DLGAP2: variants seen among roughly 807,000 people sequenced by gnomAD.
DLGAP2 encodes the protein disks large-associated protein 2.
In DLGAP2, 26 loss-of-function variants were observed where a neutral mutation model predicts 100.3. The observed-to-expected ratio is 0.26, with a 90% CI of 0.19 to 0.36. The LOEUF is 0.36. DLGAP2 is among the 10% of genes least tolerant of loss of function. The pLI, the probability that DLGAP2 is intolerant of heterozygous loss-of-function variation, is 1.00. For synonymous variants in DLGAP2, 886 were observed against 630.1 expected (o/e 1.41, Z -6.08); for missense variants, 1,858 against 1,453.2 (o/e 1.28, Z -4.53).
At chr8:919,446 C>T (rs571611119) in intron 2 of DLGAP2, among the ~76,000 whole-genome samples, 6 of 152,092 alleles carry the variant, frequency 3.9e-5, no homozygotes, top group Admixed American at 1.3e-4. Flanking sequence ...GTCTGTGAGT[C>T]CCCCCTGCTG....
At chr8:1,125,757 A>G (rs1279944271) in intron 2 of DLGAP2, among the ~76,000 whole-genome samples, 1 of 152,246 alleles carries the variant, frequency 6.6e-6, no homozygotes, top group Non-Finnish European at 1.5e-5. Flanking sequence ...TACTGAAACC[A>G]GTGTTTGGGA....
At chr8:1,266,798 C>T (rs532001294) in intron 3 of DLGAP2, among the ~76,000 whole-genome samples, 104 of 152,024 alleles carry the variant, frequency 6.8e-4, no homozygotes, top group African/African-American at 2.0e-3. Flanking sequence ...AGAAAGCTAT[C>T]GAGGAATACT....
intron 3 of DLGAP2, among the ~76,000 whole-genome samples, chr8:1,337,708 A>G (rs920183646): frequency 2.0e-5 from 3 of 152,190 alleles, no homozygotes; most frequent in Admixed American, 6.5e-5. Context: ...GACAAACTTT[A>G]TTGACATCTT....
At chr8:1,436,262 C>T (rs550571413) in intron 3 of DLGAP2, among the ~76,000 whole-genome samples, 44 of 152,146 alleles carry the variant, frequency 2.9e-4, no homozygotes, top group Admixed American at 2.3e-3. Context: ...CTGAGAGCCC[C>T]GGGCAAACCA....
chr8:882,822 A>C (rs913979061), intron 1 of DLGAP2, among the ~76,000 whole-genome samples: 8 of 152,220 alleles, frequency 5.3e-5, no homozygotes, highest in Admixed American at 3.9e-4. Flanking sequence ...CCCTGGCGTC[A>C]GCAGCTTTCC....
intron 3 of DLGAP2, among the ~76,000 whole-genome samples, chr8:1,359,812 T>A (rs537842348): frequency 2.0e-5 from 3 of 152,248 alleles, no homozygotes; most frequent in Non-Finnish European, 4.4e-5. Context: ...CTTCATGGAC[T>A]TCTCCTTAGG....
intron 2 of DLGAP2, among the ~76,000 whole-genome samples, chr8:1,152,341 C>T (rs996125144): frequency 6.6e-6 from 1 of 152,142 alleles, no homozygotes; most frequent in Non-Finnish European, 1.5e-5. Context: ...GTTAAATTTC[C>T]CGCTAGAACT....
chr8:887,691 A>C (rs1483759717), intron 1 of DLGAP2, among the ~76,000 whole-genome samples: 1 of 152,172 alleles, frequency 6.6e-6, no homozygotes, highest in Non-Finnish European at 1.5e-5. Flanking sequence ...AAGAATGTTG[A>C]ATATTGACTC....
chr8:1,264,700 T>C (rs1799417690), intron 3 of DLGAP2, among the ~76,000 whole-genome samples: 1 of 152,198 alleles, frequency 6.6e-6, no homozygotes, highest in Non-Finnish European at 1.5e-5. Context: ...GTACCCACTT[T>C]AGATAAACAT....
intron 3 of DLGAP2, among the ~76,000 whole-genome samples, chr8:1,294,907 A>G (rs1283898698): frequency 2.6e-5 from 4 of 151,330 alleles, no homozygotes; most frequent in Admixed American, 6.6e-5. Flanking sequence ...TTAAGTTACT[A>G]ATTTTGTTAT....
At chr8:873,696 T>A (rs1197625462) in intron 1 of DLGAP2, among the ~76,000 whole-genome samples, 1 of 152,210 alleles carries the variant, frequency 6.6e-6, no homozygotes, top group Non-Finnish European at 1.5e-5. Flanking sequence ...ATAAAATGAA[T>A]TAGGAAGTAC....
chr8:1,368,299 ATG>A (rs1228403725), intron 3 of DLGAP2, among the ~76,000 whole-genome samples: 4 of 151,292 alleles, frequency 2.6e-5, no homozygotes, highest in East Asian at 1.9e-4. Context: ...TATTATGTGT[ATG>A]TGCATGTGCA....
At chr8:1,498,863 A>G (rs1274039450) in intron 3 of DLGAP2, among the ~76,000 whole-genome samples, 2 of 152,204 alleles carry the variant, frequency 1.3e-5, no homozygotes, top group Non-Finnish European at 2.9e-5. Context: ...GATGGTACCC[A>G]CAGTTATACT....
At chr8:800,481 C>G (rs1796126015) in intron 1 of DLGAP2, among the ~76,000 whole-genome samples, 1 of 152,202 alleles carries the variant, frequency 6.6e-6, no homozygotes, top group South Asian at 2.1e-4. Flanking sequence ...CTCCATCTGC[C>G]AGGCATGGAG....
intron 6 of DLGAP2, among the ~76,000 whole-genome samples, chr8:1,608,828 G>T (rs1270858910): frequency 2.0e-5 from 3 of 150,576 alleles, no homozygotes; most frequent in African/African-American, 7.3e-5. Flanking sequence ...AGCGAGAAGG[G>T]AAGGTTAGAG....
At chr8:801,273 A>G (rs1220803058) in intron 1 of DLGAP2, among the ~76,000 whole-genome samples, 1 of 152,224 alleles carries the variant, frequency 6.6e-6, no homozygotes, top group Non-Finnish European at 1.5e-5. Context: ...CAGTTTAAGG[A>G]AATAAGAAAA....
chr8:803,692 G>T (rs1177610034), intron 1 of DLGAP2, among the ~76,000 whole-genome samples: 4 of 152,222 alleles, frequency 2.6e-5, no homozygotes, highest in Non-Finnish European at 5.9e-5. Flanking sequence ...GGCCTTCCAT[G>T]GTTAGTAGGA....
chr8:1,043,284 G>C (rs1406386491), intron 2 of DLGAP2, among the ~76,000 whole-genome samples: 2 of 137,772 alleles, frequency 1.5e-5, no homozygotes, highest in Non-Finnish European at 3.2e-5. Flanking sequence ...GGTGGACGTG[G>C]GTGGTGGGTG....
rs150000466 is a variant in DLGAP2, at chr8:1,199,760, C to T, written c.74-59091C>T. On this transcript the variant is annotated intron_variant, in intron 2 of 14. Coordinates refer to ENST00000637795, the MANE Select transcript of DLGAP2 (RefSeq NM_001346810.2). The stretch of plus-strand genomic sequence containing the variant: ...TCTAGGACACTTTAGCATGAGAGCT[C>T]TTGCATGATGGAAGGTGTGTATGGA... Among the ~76,000 whole-genome samples, 1,034 of 152,110 alleles carry T rather than the reference C, an allele frequency of 6.8e-3. 9 individuals carry two copies. The highest frequency in any genetic ancestry group is 0.024 in the African/African-American group (984 of 41,488).
Sources: gnomAD v4.1 joint callset for allele counts (sites outside exome capture counted in the v4.1 genomes callset) on GRCh38, gnomAD v4.1.1 for gene constraint, MANE v1.5 for transcripts, NCBI Gene and HGNC (gene_info 2026-07-23, HGNC 2026-07-21) for gene names.